The following HERC1 variants were observed in gnomAD, a reference collection of about 807,000 sequenced individuals.
HERC1 encodes the protein HECT and RLD domain containing E3 ubiquitin protein ligase family member 1.
HERC1 carries 160 observed loss-of-function variants against 554.3 expected under a neutral mutation model. The observed-to-expected ratio is 0.29, with a 90% CI of 0.25 to 0.33. The LOEUF is 0.33. Ranked by LOEUF, HERC1 falls within the 10% of genes least tolerant of loss-of-function variation. The probability of loss-of-function intolerance (pLI) is 1.00; values close to 1 mark genes in which losing one functional copy is unlikely to be tolerated. For synonymous variants in HERC1, 2,175 were observed against 2,131.7 expected (o/e 1.02, Z -0.56); for missense variants, 4,919 against 5,918.5 (o/e 0.83, Z 5.54).
In HERC1 at chr15:63,756,763, T is replaced by A; in HGVS notation, c.1222-15A>T. On this transcript the variant is annotated splice_polypyrimidine_tract_variant and intron_variant, in intron 4 of 77. Transcript: ENST00000443617. This position sits in a 1 kb window ranked among gnomAD's most constrained non-coding sequence, Gnocchi z 5.0. ...CCAGCTTCAATCTATAAACAAAGAA[T>A]CATAAATATAAAATACTTCTGTGAG... The A allele has an allele frequency of 1.3e-6, 2 of 1,496,526 alleles. No homozygotes were observed. Among genetic ancestry groups the A allele is most frequent in the Non-Finnish European group, 1.8e-6 (2 of 1,109,164 alleles). 92.7% of individuals were successfully genotyped at this position (1,496,526 alleles called of 1,614,324 possible). A position where few individuals can be genotyped will look rare whatever the true frequency, so the allele number is the denominator to read the frequency against.
rs753186773 is a variant in HERC1, at chr15:63,654,259, G to A, written c.10150C>T (p.Arg3384Trp). 3 of 1,613,964 alleles carry A rather than the reference G, an allele frequency of 1.9e-6. No individual in the cohort carries two copies. The highest frequency in any genetic ancestry group is 1.7e-6 in the Non-Finnish European group (2 of 1,179,858). The part of the protein sequence containing the change: ...CLSSRLSSQH[R>W]QWAAQQLVRT... ...ACGAGTTGCTGAGCTGCCCATTGCC[G>A]ATGCTGTGAGGACAGCCTGGAGGAG... The change falls in exon 51 of 78, where the codon CGG (arginine) becomes TGG (tryptophan). Residue 3384 changes from arginine (R) to tryptophan (W), a missense_variant. Around this residue, in one of 11 missense-constraint regions of HERC1, gnomAD observed 1,963 missense variants for 2,228.6 expected, o/e 0.88. Coordinates refer to ENST00000443617, the MANE Select transcript of HERC1 (RefSeq NM_003922.4).
chr15:63,831,547 C>G (rs2078155410), intron 1 of HERC1, among the ~76,000 whole-genome samples: 1 of 152,180 alleles, frequency 6.6e-6, no homozygotes, highest in Non-Finnish European at 1.5e-5. Flanking sequence ...CCTTCTCACT[C>G]TCCAAGCCAC....
At chr15:63,714,986 A>C (rs1387523621) in intron 22 of HERC1, among the ~76,000 whole-genome samples, 1 of 152,202 alleles carries the variant, frequency 6.6e-6, no homozygotes, top group Non-Finnish European at 1.5e-5. Flanking sequence ...TTATGCTATT[A>C]AAAGTCCCTT....
chr15:63,609,293 C>A (rs765769252), intron 77 of HERC1, 27 bp from the exon 78 acceptor site: 1 of 1,578,254 alleles, frequency 6.3e-7, no homozygotes, highest in South Asian at 1.2e-5. Context: ...AGAGCCGTGA[C>A]TGGGGACATC....
intron 1 of HERC1, among the ~76,000 whole-genome samples, chr15:63,813,475 GTTTTTT>G (rs533618207): frequency 6.6e-6 from 1 of 150,832 alleles, no homozygotes; most frequent in African/African-American, 2.4e-5. Context: ...GTGCGAAAGG[GTTTTTT>G]TTTAATATCA....
At chr15:63,653,991 T>C (rs2069859988) in intron 51 of HERC1, 128 bp downstream of exon 51, 6 of 683,414 alleles carry the variant, frequency 8.8e-6, no homozygotes, top group Non-Finnish European at 1.5e-5. Context: ...ATTGTGTGCA[T>C]GTGTATGTGT....
chr15:63,708,196 AT>A (rs1171640256), intron 24 of HERC1, among the ~76,000 whole-genome samples: 5 of 152,138 alleles, frequency 3.3e-5, no homozygotes, highest in African/African-American at 1.2e-4. Context: ...TTTTCATTAC[AT>A]AGTACCTTTG....
chr15:63,770,875 A>G (rs773895799), intron 2 of HERC1, among the ~76,000 whole-genome samples: 2 of 152,200 alleles, frequency 1.3e-5, no homozygotes, highest in African/African-American at 4.8e-5. Context: ...TAGTTCTCAG[A>G]CAACAGTAAA....
In HERC1 at chr15:63,680,223, C is replaced by G. The variant is rs2071408743; in HGVS notation, c.6466-63G>C. 7 of 1,221,084 alleles carry G rather than the reference C, an allele frequency of 5.7e-6. No homozygotes were observed. Among genetic ancestry groups the G allele is most frequent in the Non-Finnish European group, 8.3e-6 (7 of 840,856 alleles). 75.6% of individuals were successfully genotyped at this position (1,221,084 alleles called of 1,614,324 possible). Reference sequence around the variant, plus strand: ...TAGAAATTTTTTTAATTCACAATATCTAACCACATTAGAATTGAAAGCTTT... The same window carrying G: ...TAGAAATTTTTTTAATTCACAATATGTAACCACATTAGAATTGAAAGCTTT... On this transcript the variant is annotated intron_variant, in intron 35 of 77. Transcript: ENST00000443617. The surrounding 1 kb of genome is among the most constrained non-coding windows in gnomAD (Gnocchi z 5.8).
Position 63,727,932 on chromosome 15 carries a change from G to T in HERC1, c.3155-94C>A. ...AATATTATTTTAGCTTGGAACTAGA[G>T]TAGACTCATTCAACAACTCTCTGTT... is the stretch of plus-strand genomic sequence containing the variant. On this transcript the variant is annotated intron_variant, in intron 16 of 77. Coordinates refer to ENST00000443617, the MANE Select transcript of HERC1 (RefSeq NM_003922.4). This position sits in a 1 kb window ranked among gnomAD's most constrained non-coding sequence, Gnocchi z 4.3. The T allele has an allele frequency of 1.0e-6, 1 of 956,828 alleles. No homozygotes were observed. Among genetic ancestry groups the T allele is most frequent in the Non-Finnish European group, 1.6e-6 (1 of 638,662 alleles). The allele number at this position is 956,828 out of a possible 1,614,324, so 59.3% of individuals were successfully genotyped here.
chr15:63,774,908 G>T lies in HERC1; in HGVS notation c.716C>A (p.Ala239Glu). ...LKGVTIPNSG[A>E]DTLGRRLASE... The stretch of plus-strand genomic sequence containing the variant: ...AGCTAATCTACGACCTAAAGTGTCT[G>T]CCCCAGAATTAGGAATAGTGACTCC... Residue 239 changes from alanine to glutamate, a missense_variant, in exon 2 of 78, where the codon GCA becomes GAA. Around this residue, in one of 11 missense-constraint regions of HERC1, gnomAD observed 744 missense variants for 1,090.0 expected, o/e 0.68. Transcript: ENST00000443617. The T allele has an allele frequency of 6.2e-7, 1 of 1,614,002 alleles. No individual in the cohort carries two copies. The highest frequency in any genetic ancestry group is 8.5e-7 in the Non-Finnish European group (1 of 1,179,884).
At chr15:63,827,415 C>T (rs1180445258) in intron 1 of HERC1, among the ~76,000 whole-genome samples, 3 of 150,542 alleles carry the variant, frequency 2.0e-5, no homozygotes, top group African/African-American at 7.3e-5. Context: ...CAGAGTGAGA[C>T]TGTGTCTTAA....
chr15:63,829,893 T>C (rs1353611090), intron 1 of HERC1, among the ~76,000 whole-genome samples: 1 of 151,970 alleles, frequency 6.6e-6, no homozygotes, highest in Non-Finnish European at 1.5e-5. Context: ...AATGATAGTA[T>C]TGGATTATAA....
intron 14 of HERC1, among the ~76,000 whole-genome samples, chr15:63,731,734 T>C (rs1258148111): frequency 6.6e-6 from 1 of 152,110 alleles, no homozygotes; most frequent in African/African-American, 2.4e-5. Context: ...CAGGAAACAA[T>C]ATTAATTGAT....
At chr15:63,761,749 CTA>C (rs910182095) in intron 3 of HERC1, among the ~76,000 whole-genome samples, 4 of 152,196 alleles carry the variant, frequency 2.6e-5, no homozygotes, top group Non-Finnish European at 4.4e-5. Flanking sequence ...GTTTATGTGT[CTA>C]TGTGTGTAAC....
intron 12 of HERC1, among the ~76,000 whole-genome samples, chr15:63,743,479 T>C (rs957239158): frequency 6.6e-6 from 1 of 151,972 alleles, no homozygotes; most frequent in Non-Finnish European, 1.5e-5. Flanking sequence ...TGGCTAGGAA[T>C]GTCTCTATCT....
At position 63,692,945 on chromosome 15, in the gene HERC1, TCGAG is replaced by T. The variant is rs1428855053; in HGVS notation, c.5675-383_5675-380del. Among the ~76,000 whole-genome samples, 3 of 150,992 alleles carry T rather than the reference TCGAG, an allele frequency of 2.0e-5. No homozygotes were observed. Among genetic ancestry groups the T allele is most frequent in the African/African-American group, 7.3e-5 (3 of 41,026 alleles). ...TCTGTAATCCCAGCACTTTGGGAGG[TCGAG>T]GCGGGCGGATCACTTGAGGTCAGGA... is the stretch of plus-strand genomic sequence containing the variant. On this transcript the variant is annotated intron_variant, in intron 30 of 77. Transcript: ENST00000443617. This position sits in a 1 kb window ranked among gnomAD's most constrained non-coding sequence, Gnocchi z 4.7.
intron 21 of HERC1, 144 bp from the exon 22 acceptor site, chr15:63,716,617 T>C (rs1246392962): frequency 4.9e-6 from 3 of 608,766 alleles, no homozygotes; most frequent in East Asian, 3.0e-5. Flanking sequence ...ACCCAAAAGA[T>C]ACACTAGATA....
intron 24 of HERC1, 99 bp downstream of exon 24, chr15:63,712,676 T>C (rs889461726): frequency 1.8e-5 from 19 of 1,064,906 alleles, no homozygotes; most frequent in Non-Finnish European, 2.2e-5. Flanking sequence ...AAAATTTTTA[T>C]ATGTCTAAAA....
Sources: gnomAD v4.1 joint callset for allele counts (sites outside exome capture counted in the v4.1 genomes callset) on GRCh38, gnomAD v4.1.1 for gene constraint, gnomAD v4.1.1 regional missense constraint, Gnocchi (gnomAD v3.1) non-coding constraint, MANE v1.5 for transcripts, NCBI Gene and HGNC (gene_info 2026-07-23, HGNC 2026-07-21) for gene names.